Variants in SYT9 observed in about 807,000 individuals in gnomAD.
SYT9 encodes the protein synaptotagmin 9, also known as synaptotagmin-9.
A neutral mutation model predicts 48.4 loss-of-function variants in SYT9; 22 were observed. That is an observed-to-expected ratio of 0.45 (90% CI 0.32 to 0.65). SYT9 has a LOEUF of 0.65. SYT9 is among the 30% of genes least tolerant of loss of function. The pLI is 0.03. For synonymous variants in SYT9, 265 were observed against 245.0 expected (o/e 1.08, Z -0.76); for missense variants, 577 against 622.0 (o/e 0.93, Z 0.77).
chr11:7,269,809 A>G (rs1335300680), intron 1 of SYT9, among the ~76,000 whole-genome samples: 1 of 152,172 alleles, frequency 6.6e-6, no homozygotes, highest in Non-Finnish European at 1.5e-5. Flanking sequence ...TTCAAATGCA[A>G]TTTAAGTTGT....
chr11:7,450,253 C>T (rs999161882), intron 6 of SYT9: 1 of 152,172 alleles, frequency 6.6e-6, no homozygotes, highest in African/African-American at 2.4e-5. Flanking sequence ...TGGTTATATG[C>T]CCCAGCACAC....
At chr11:7,427,654 C>T (rs139226180) in intron 6 of SYT9, 61 of 152,212 alleles carry the variant, frequency 4.0e-4, no homozygotes, top group African/African-American at 1.4e-3. Flanking sequence ...GCCCCATCTA[C>T]CTGTGAAGAT....
chr11:7,280,768 GAT>G (rs1232552944), intron 1 of SYT9, among the ~76,000 whole-genome samples: 4 of 87,258 alleles, frequency 4.6e-5, no homozygotes, highest in East Asian at 5.5e-4. Flanking sequence ...AAGTACTATA[GAT>G]GTAAGTAAGA....
intron 1 of SYT9, among the ~76,000 whole-genome samples, chr11:7,299,873 G>A (rs977492809): frequency 6.6e-6 from 1 of 152,134 alleles, no homozygotes; most frequent in Non-Finnish European, 1.5e-5. Flanking sequence ...GTTAAAGTGA[G>A]GCAGAACTTC....
chr11:7,365,327 G>T (rs1850220406), intron 3 of SYT9, among the ~76,000 whole-genome samples: 1 of 152,132 alleles, frequency 6.6e-6, no homozygotes, highest in Non-Finnish European at 1.5e-5. Flanking sequence ...ATTTATAGAG[G>T]AGAGCAATTT....
chr11:7,391,650 C>G (rs1328571759), intron 3 of SYT9, among the ~76,000 whole-genome samples: 1 of 148,070 alleles, frequency 6.8e-6, no homozygotes, highest in Non-Finnish European at 1.5e-5. Flanking sequence ...CCTGTAATCC[C>G]AGCACTTTCG....
At chr11:7,257,142 T>G (rs1847987024) in intron 1 of SYT9, among the ~76,000 whole-genome samples, 2 of 152,310 alleles carry the variant, frequency 1.3e-5, no homozygotes, top group Middle Eastern at 6.8e-3. Context: ...AGAACAACCT[T>G]TGAGACCATT....
chr11:7,411,983 AT>A (rs1324933096), intron 3 of SYT9, among the ~76,000 whole-genome samples: 1 of 151,978 alleles, frequency 6.6e-6, no homozygotes, highest in Admixed American at 6.5e-5. Flanking sequence ...AATCTAATCT[AT>A]TGTTGGAGGT....
intron 3 of SYT9, among the ~76,000 whole-genome samples, chr11:7,392,163 A>G (rs1053162472): frequency 6.6e-6 from 1 of 152,148 alleles, no homozygotes; most frequent in Admixed American, 6.5e-5. Flanking sequence ...TTGAGGACTT[A>G]GTCATACATT....
intron 6 of SYT9, among the ~76,000 whole-genome samples, chr11:7,426,623 T>A (rs1564899667): frequency 6.6e-6 from 1 of 151,940 alleles, no homozygotes; most frequent in African/African-American, 2.4e-5. Flanking sequence ...GGCCCAGGGG[T>A]CATGTTTGCC....
At chr11:7,376,382 C>G (rs1223100176) in intron 3 of SYT9, among the ~76,000 whole-genome samples, 5 of 129,044 alleles carry the variant, frequency 3.9e-5, no homozygotes, top group Admixed American at 2.4e-4. Context: ...CTCCCCTCCC[C>G]TCTCCTCTCC....
At chr11:7,319,151 A>G (rs2133961286) in intron 3 of SYT9, among the ~76,000 whole-genome samples, 1 of 126,198 alleles carries the variant, frequency 7.9e-6, no homozygotes, top group South Asian at 2.6e-4. Context: ...CAGGATATTC[A>G]TTCCCCTATT....
intron 3 of SYT9, among the ~76,000 whole-genome samples, chr11:7,365,606 A>T (rs1051945638): frequency 2.6e-5 from 4 of 152,132 alleles, no homozygotes; most frequent in East Asian, 1.9e-4. Context: ...GACAATTTTT[A>T]AAAAAATAAA....
At chr11:7,420,980 T>C (rs1002394537) in intron 6 of SYT9, among the ~76,000 whole-genome samples, 18 of 152,222 alleles carry the variant, frequency 1.2e-4, no homozygotes, top group Non-Finnish European at 2.2e-4. Flanking sequence ...TACAGTGACT[T>C]GAGACTGACT....
intron 3 of SYT9, among the ~76,000 whole-genome samples, chr11:7,378,129 A>AAAC (rs1166603407): frequency 6.6e-6 from 1 of 151,666 alleles, no homozygotes. Flanking sequence ...AAAAAAAAAA[A>AAAC]AAATTACCAG....
At chr11:7,328,834 A>C (rs1434884822) in intron 3 of SYT9, among the ~76,000 whole-genome samples, 12 of 152,186 alleles carry the variant, frequency 7.9e-5, no homozygotes, top group Admixed American at 7.9e-4. Flanking sequence ...ATTTCACATT[A>C]ATAACTGAAA....
At chr11:7,304,883 T>C (rs11041304) in intron 2 of SYT9, among the ~76,000 whole-genome samples, 6,285 of 152,278 alleles carry the variant, frequency 0.041, 462 homozygotes, top group African/African-American at 0.14. Flanking sequence ...GAGTCTCCAT[T>C]GAAATTTCCA....
At chr11:7,412,038 G>A (rs954503176) in intron 3 of SYT9, among the ~76,000 whole-genome samples, 20 of 151,830 alleles carry the variant, frequency 1.3e-4, no homozygotes, top group African/African-American at 4.4e-4. Context: ...CTTCAGTTCC[G>A]GAATTTATGT....
chr11:7,304,882 T>C (rs1849005137), intron 2 of SYT9, among the ~76,000 whole-genome samples: 4 of 152,202 alleles, frequency 2.6e-5, no homozygotes, highest in Admixed American at 2.0e-4. Context: ...AGAGTCTCCA[T>C]TGAAATTTCC....
Sources: gnomAD v4.1 joint callset for allele counts (sites outside exome capture counted in the v4.1 genomes callset) on GRCh38, gnomAD v4.1.1 for gene constraint, MANE v1.5 for transcripts, NCBI Gene and HGNC (gene_info 2026-07-23, HGNC 2026-07-21) for gene names.